HSPA4L: variants seen among roughly 807,000 people sequenced by gnomAD.
HSPA4L encodes heat shock 70 kDa protein 4L.
In HSPA4L, 48 loss-of-function variants were observed where a neutral mutation model predicts 100.3. That is an observed-to-expected ratio of 0.48 (90% CI 0.38 to 0.61). The LOEUF (loss-of-function observed/expected upper bound fraction) is 0.61. Ranked by LOEUF, HSPA4L falls within the 20% of genes least tolerant of loss-of-function variation. The pLI, the probability that HSPA4L is intolerant of heterozygous loss-of-function variation, is 0.00. For missense variants in HSPA4L, 886 were observed against 988.6 expected, an observed-to-expected ratio of 0.90 and a Z score of 1.39; for synonymous variants, 319 against 328.2, an observed-to-expected ratio of 0.97 and a Z score of 0.30.
In HSPA4L at chr4:127,830,707, A is replaced by C; in HGVS notation, c.2236A>C (p.Ser746Arg). ...TGAAAAATGTATCAGTGATGCCATG[A>C]GTTGGCTGAATAGTAAGATGAATGC... ...KVEKCISDAM[S>R]WLNSKMNAQN... Residue 746 changes from serine to arginine, a missense_variant, in exon 18 of 19, where the codon AGT (serine) becomes CGT (arginine). By Grantham distance (110) the Ser-to-Arg change is moderately radical. Transcript: ENST00000296464. The C allele has an allele frequency of 6.2e-7, 1 of 1,610,778 alleles. No individual in the cohort carries two copies. Among genetic ancestry groups the C allele is most frequent in the Non-Finnish European group, 8.5e-7 (1 of 1,178,266 alleles).
Position 127,791,110 on chromosome 4 carries a change from A to G in HSPA4L, c.108-2967A>G, listed in dbSNP as rs979616972. ...AGCAAGACCCTGTCTCCAAAAAAAA[A>G]AAGTTCCAATAATTAAAAAGGCAAA... On this transcript the variant is annotated intron_variant, in intron 1 of 18. Coordinates refer to ENST00000296464, the MANE Select transcript of HSPA4L (RefSeq NM_014278.4). 2.0e-5 allele frequency among the ~76,000 whole-genome samples: 3 copies of G among 152,340 alleles called. 1 individual carries two copies. Among genetic ancestry groups the G allele is most frequent in the South Asian group, 4.1e-4 (2 of 4,832 alleles).
rs79907599 is a variant in HSPA4L at position 127,811,920 on chromosome 4, C to T, written c.1578+284C>T. On this transcript the variant is annotated intron_variant, in intron 12 of 18. Transcript: ENST00000296464. ...CTGGAATTCTTTCCTAAGTTCTTAACTTCCATTAAAACATGTATTTTATTA... is the reference window on the plus strand; with the variant it reads ...CTGGAATTCTTTCCTAAGTTCTTAATTTCCATTAAAACATGTATTTTATTA... Among the ~76,000 whole-genome samples, 663 of 152,266 alleles carry T rather than the reference C, an allele frequency of 4.4e-3. 9 individuals carry two copies. Among genetic ancestry groups the T allele is most frequent in the African/African-American group, 0.015 (634 of 41,554 alleles).
Position 127,832,671 on chromosome 4 carries a change from T to G in HSPA4L, c.2329-12T>G. ...AATCGTTTTAATATAATCAATTTCT[T>G]CATGTCTTTAGGAACTGGATAATTT... On this transcript the variant is annotated splice_polypyrimidine_tract_variant and intron_variant, in intron 18 of 18. Coordinates refer to ENST00000296464, the MANE Select transcript of HSPA4L (RefSeq NM_014278.4). The G allele has an allele frequency of 6.4e-7, 1 of 1,569,398 alleles. No individual in the cohort carries two copies. Among genetic ancestry groups the G allele is most frequent in the Non-Finnish European group, 8.6e-7 (1 of 1,158,568 alleles).
rs1472896006 is a variant in HSPA4L at position 127,837,464 on chromosome 4, A to C, written c.*4590A>C. 1 of 152,162 alleles carries C rather than the reference A, an allele frequency of 6.6e-6. No homozygotes were observed. The highest frequency in any genetic ancestry group is 2.4e-5 in the African/African-American group (1 of 41,430). 9.4% of individuals were successfully genotyped at this position (152,162 alleles called of 1,614,324 possible). A position where few individuals can be genotyped will look rare whatever the true frequency, so the allele number is the denominator to read the frequency against. On this transcript the variant is annotated 3_prime_UTR_variant, in exon 19 of 19. Transcript: ENST00000296464. ...TGGCATGAGAGGGATATGCTTATAA[A>C]GCTTAATTCTGATATTATCCTCTTA...
intron 11 of HSPA4L, among the ~76,000 whole-genome samples, chr4:127,810,813 T>TG (rs1242785836): frequency 1.3e-5 from 2 of 151,978 alleles, no homozygotes; most frequent in Non-Finnish European, 2.9e-5. Flanking sequence ...TGGGAGCAGG[T>TG]GGGGGGCAAA....
chr4:127,829,986 G>T (rs1030144379), intron 17 of HSPA4L, among the ~76,000 whole-genome samples: 16 of 151,770 alleles, frequency 1.1e-4, no homozygotes, highest in Admixed American at 4.6e-4. Flanking sequence ...TTTGTTTGGG[G>T]TTTTTTTTCT....
intron 18 of HSPA4L, among the ~76,000 whole-genome samples, chr4:127,832,135 A>G (rs1734099344): frequency 6.6e-6 from 1 of 152,216 alleles, no homozygotes; most frequent in South Asian, 2.1e-4. Context: ...GTTTGTAAAA[A>G]GCAAGGAAAT....
At chr4:127,783,442 T>G in intron 1 of HSPA4L, 5 of 1,338,360 alleles carry the variant, frequency 3.7e-6, no homozygotes, top group South Asian at 3.5e-5. Flanking sequence ...CGTATAAACA[T>G]GACTGTGGAG....
intron 1 of HSPA4L, among the ~76,000 whole-genome samples, chr4:127,784,772 A>G (rs901096126): frequency 2.6e-5 from 4 of 152,378 alleles, no homozygotes; most frequent in African/African-American, 9.6e-5. Context: ...TTATCCATCA[A>G]TTCAACACCG....
In HSPA4L at chr4:127,803,670, C is replaced by G; in HGVS notation, c.705C>G (p.Asn235Lys). The change falls in exon 7 of 19, where the codon AAC (asparagine) becomes AAG (lysine). Residue 235 changes from asparagine to lysine, a missense_variant. Transcript: ENST00000296464. ...TTFDPYLGGR[N>K]FDEALVDYFC... ...TTGATCCATATTTGGGTGGCAGGAA[C>G]TTTGATGAGGCTTTAGTAGACTACT... The G allele has an allele frequency of 6.2e-7, 1 of 1,613,360 alleles. No individual in the cohort carries two copies. Among genetic ancestry groups the G allele is most frequent in the Non-Finnish European group, 8.5e-7 (1 of 1,179,788 alleles).
chr4:127,811,589 C>G lies in HSPA4L; in HGVS notation c.1531C>G (p.Pro511Ala), dbSNP rs761994494. 1.2e-5 allele frequency: 19 copies of G among 1,613,506 alleles called. No homozygotes were observed. The highest frequency in any genetic ancestry group is 1.6e-5 in the Non-Finnish European group (19 of 1,179,878). The change falls in exon 12 of 19, where the codon CCA (proline) becomes GCA (alanine). Residue 511 changes from proline (P) to alanine (A), a missense_variant. Transcript: ENST00000296464. ...QNLEGDHSDAPMETETSFKNE... is the reference protein window; with the variant it reads ...QNLEGDHSDAAMETETSFKNE... ...TTTGGAAGGCGATCACAGTGATGCT[C>G]CAATGGAGACAGAAACTTCATTTAA...
rs200130424 is a variant in HSPA4L at position 127,810,898 on chromosome 4, A to AAT, written c.1379-530_1379-529dup. On this transcript the variant is annotated intron_variant, in intron 11 of 18. Coordinates refer to ENST00000296464, the MANE Select transcript of HSPA4L (RefSeq NM_014278.4). Reference sequence around the variant, plus strand: ...GCCTAATGTTCTCTCTTCTATAGATAATATATATATGAGATTTCTTTAGAG... The same window carrying AAT: ...GCCTAATGTTCTCTCTTCTATAGATAATATATATATATGAGATTTCTTTAGAG... Among the ~76,000 whole-genome samples the AAT allele has an allele frequency of 4.8e-3, 726 of 152,228 alleles. 17 individuals carry two copies. Among genetic ancestry groups the AAT allele is most frequent in the Admixed American group, 0.035 (542 of 15,284 alleles).
Position 127,785,443 on chromosome 4 carries a change from C to CT in HSPA4L, c.107+2797dup, listed in dbSNP as rs1023804122. 1.8e-3 allele frequency among the ~76,000 whole-genome samples: 255 copies of CT among 145,574 alleles called. 2 individuals carry two copies. The highest frequency in any genetic ancestry group is 4.8e-3 in the African/African-American group (190 of 39,916). ...TGTTTAGTAACCTTTTTCTTTTTTT[C>CT]TTTTTTTTTTTAAGACGTAGTCTTG... On this transcript the variant is annotated intron_variant, in intron 1 of 18. Transcript: ENST00000296464.
intron 8 of HSPA4L, among the ~76,000 whole-genome samples, chr4:127,804,641 ACACACACT>A (rs1355069295): frequency 2.0e-5 from 3 of 151,142 alleles, no homozygotes; most frequent in Non-Finnish European, 4.4e-5. Flanking sequence ...ACACACACAC[ACACACACT>A]CATGCTAGTT....
In HSPA4L at chr4:127,832,677, CT is replaced by C; in HGVS notation, c.2329-3del. On this transcript the variant is annotated splice_region_variant and splice_polypyrimidine_tract_variant and intron_variant, in intron 18 of 18. Coordinates refer to ENST00000296464, the MANE Select transcript of HSPA4L (RefSeq NM_014278.4). ...TTTAATATAATCAATTTCTTCATGT[CT>C]TTAGGAACTGGATAATTTCTGTAAC... 4 of 1,589,630 alleles carry C rather than the reference CT, an allele frequency of 2.5e-6. No individual in the cohort carries two copies. The South Asian group carries it at 4.7e-5, about 19-fold the overall frequency.
chr4:127,822,645 C>A, intron 14 of HSPA4L, 124 bp from the exon 15 acceptor site: 1 of 889,066 alleles, frequency 1.1e-6, no homozygotes, highest in Non-Finnish European at 1.7e-6. Flanking sequence ...TCTCCACATC[C>A]TCATGAATAC....
intron 17 of HSPA4L, 140 bp downstream of exon 17, chr4:127,827,564 CT>C (rs956961293): frequency 0.01 from 7,633 of 759,630 alleles, no homozygotes; most frequent in South Asian, 0.016. Flanking sequence ...AAACTTAAAA[CT>C]TTTTTTTTTA....
At chr4:127,786,206 G>T (rs751779223) in intron 1 of HSPA4L, among the ~76,000 whole-genome samples, 7 of 152,132 alleles carry the variant, frequency 4.6e-5, no homozygotes, top group Non-Finnish European at 1.0e-4. Flanking sequence ...CTAAAGCAAA[G>T]TTAAATCACT....
At chr4:127,807,411 A>G (rs75883207) in intron 10 of HSPA4L, among the ~76,000 whole-genome samples, 2,024 of 152,136 alleles carry the variant, frequency 0.013, 27 homozygotes, top group South Asian at 0.06. Context: ...CCCTATTAGG[A>G]TGCACACTGA....
Sources: allele counts gnomAD v4.1 joint callset (sites outside exome capture counted in the v4.1 genomes callset), GRCh38; gene constraint gnomAD v4.1.1; transcripts MANE v1.5; gene names NCBI Gene and HGNC (gene_info 2026-07-23, HGNC 2026-07-21).